Variants in LIN7A observed in about 807,000 individuals in gnomAD.
The protein encoded by LIN7A is lin-7 cell polarity scaffold A, also known as protein lin-7 homolog A.
A neutral mutation model predicts 29.8 loss-of-function variants in LIN7A; 25 were observed. The ratio of observed to expected loss-of-function variants is 0.84; its 90% confidence interval spans 0.61 to 1.17. LIN7A has a LOEUF of 1.17. Ranked by LOEUF, LIN7A falls within the 50% of genes most tolerant of loss-of-function variation. LIN7A has a pLI of 0.00. For synonymous variants in LIN7A, 118 were observed against 107.5 expected, an observed-to-expected ratio of 1.10 and a Z score of -0.60; for missense variants, 239 against 287.0, an observed-to-expected ratio of 0.83 and a Z score of 1.21.
intron 2 of LIN7A, among the ~76,000 whole-genome samples, chr12:80,853,195 T>C (rs189972041): frequency 1.0e-3 from 155 of 152,342 alleles, no homozygotes; most frequent in African/African-American, 3.5e-3. Flanking sequence ...GTAAATGTTA[T>C]ATAGAACTAT....
intron 4 of LIN7A, among the ~76,000 whole-genome samples, chr12:80,823,356 T>G (rs1428661804): frequency 2.6e-5 from 4 of 152,140 alleles, no homozygotes; most frequent in African/African-American, 9.7e-5. Flanking sequence ...GGCTTTGCAG[T>G]TCCTGGCTAC....
At chr12:80,834,812 T>C (rs1872536460) in intron 4 of LIN7A, among the ~76,000 whole-genome samples, 1 of 148,940 alleles carries the variant, frequency 6.7e-6, no homozygotes, top group South Asian at 2.1e-4. Flanking sequence ...AAATCCATTA[T>C]GGAAAATTAT....
chr12:80,806,376 G>C (rs985437851), intron 5 of LIN7A, among the ~76,000 whole-genome samples: 3 of 151,962 alleles, frequency 2.0e-5, no homozygotes, highest in Non-Finnish European at 4.4e-5. Context: ...TAGAAGTTAG[G>C]GGAAAAGACT....
intron 4 of LIN7A, chr12:80,841,572 T>C (rs1007116666): frequency 6.6e-6 from 1 of 152,120 alleles, no homozygotes; most frequent in African/African-American, 2.4e-5. Context: ...TTCCCTAAAA[T>C]TTTTTTCCCC....
chr12:80,869,067 G>A (rs1342656878), intron 2 of LIN7A, among the ~76,000 whole-genome samples: 2 of 151,828 alleles, frequency 1.3e-5, no homozygotes, highest in East Asian at 1.9e-4. Flanking sequence ...GTGAAGCTAA[G>A]GTGGCCTAAG....
At chr12:80,934,039 C>G (rs575563766) in intron 1 of LIN7A, among the ~76,000 whole-genome samples, 75 of 152,156 alleles carry the variant, frequency 4.9e-4, no homozygotes, top group African/African-American at 1.8e-3. Flanking sequence ...TAATTAAGCC[C>G]TTACTTATCA....
At chr12:80,808,660 C>T (rs571949218) in intron 5 of LIN7A, among the ~76,000 whole-genome samples, 1 of 151,324 alleles carries the variant, frequency 6.6e-6, no homozygotes, top group Non-Finnish European at 1.5e-5. Flanking sequence ...CGCCCGCCAC[C>T]ACGCCCGGCT....
intron 2 of LIN7A, among the ~76,000 whole-genome samples, chr12:80,883,985 T>G: frequency 6.6e-6 from 1 of 152,148 alleles, no homozygotes; most frequent in African/African-American, 2.4e-5. Flanking sequence ...CTCCAAATAG[T>G]TCTCCTATCT....
At chr12:80,896,536 C>T (rs1310514656) in intron 1 of LIN7A, among the ~76,000 whole-genome samples, 3 of 152,184 alleles carry the variant, frequency 2.0e-5, no homozygotes, top group East Asian at 1.9e-4. Context: ...ACATGACAAT[C>T]GATGTGTCCT....
intron 1 of LIN7A, among the ~76,000 whole-genome samples, chr12:80,926,068 C>T (rs1381336943): frequency 2.0e-5 from 3 of 152,158 alleles, no homozygotes; most frequent in Non-Finnish European, 4.4e-5. Flanking sequence ...GTAATGTCAC[C>T]TCCTTGGAGA....
intron 2 of LIN7A, among the ~76,000 whole-genome samples, chr12:80,873,558 TA>T (rs1874530049): frequency 2.0e-5 from 3 of 149,186 alleles, no homozygotes; most frequent in Non-Finnish European, 4.5e-5. Flanking sequence ...AAAAAAAAAG[TA>T]AAAATAAAAC....
At chr12:80,893,948 T>G in intron 1 of LIN7A, among the ~76,000 whole-genome samples, 1 of 152,188 alleles carries the variant, frequency 6.6e-6, no homozygotes, top group East Asian at 1.9e-4. Flanking sequence ...AGAGATCAAG[T>G]TCCTCCAGCC....
intron 5 of LIN7A, among the ~76,000 whole-genome samples, chr12:80,801,550 CAAATTTGTGATGTACAAAT>C (rs1365855995): frequency 1.3e-5 from 2 of 152,012 alleles, no homozygotes; most frequent in Non-Finnish European, 2.9e-5. Flanking sequence ...TTGTGATGTA[CAAATTTGTGATGTACAAAT>C]AAATTTGTGA....
chr12:80,875,311 C>T (rs1874630078), intron 2 of LIN7A, among the ~76,000 whole-genome samples: 1 of 151,974 alleles, frequency 6.6e-6, no homozygotes, highest in Admixed American at 6.6e-5. Flanking sequence ...GAAAAAAAAG[C>T]CCATAATTTT....
Position 80,913,559 on chromosome 12 carries a change from G to T in LIN7A, c.82+24082C>A, listed in dbSNP as rs1876874367. Among the ~76,000 whole-genome samples, 3 of 152,140 alleles carry T rather than the reference G, an allele frequency of 2.0e-5. 1 individual carries two copies. In the South Asian group the frequency reaches 6.2e-4, roughly 32 times the overall value. ...GCAATACCAGCCGGAGAAAAGAGAA[G>T]GCTAAAACAGCGAGGAATTCCTGGC... On this transcript the variant is annotated intron_variant, in intron 1 of 5. Coordinates refer to ENST00000552864, the MANE Select transcript of LIN7A (RefSeq NM_004664.4).
At chr12:80,877,587 C>A (rs1214096005) in intron 2 of LIN7A, among the ~76,000 whole-genome samples, 1 of 151,740 alleles carries the variant, frequency 6.6e-6, no homozygotes, top group Non-Finnish European at 1.5e-5. Flanking sequence ...ATCTATATTT[C>A]CCTATGAGAC....
At chr12:80,934,195 C>T (rs1317647860) in intron 1 of LIN7A, among the ~76,000 whole-genome samples, 2 of 152,112 alleles carry the variant, frequency 1.3e-5, no homozygotes, top group Non-Finnish European at 2.9e-5. Context: ...TCTCCCTCTC[C>T]TAGTAGGTTC....
chr12:80,875,763 G>T (rs976109793), intron 2 of LIN7A, among the ~76,000 whole-genome samples: 5 of 152,132 alleles, frequency 3.3e-5, no homozygotes, highest in African/African-American at 1.2e-4. Context: ...ATCATGCTAG[G>T]TACTAATTTT....
intron 5 of LIN7A, among the ~76,000 whole-genome samples, chr12:80,808,451 C>T (rs1342862896): frequency 3.3e-5 from 5 of 151,848 alleles, no homozygotes; most frequent in African/African-American, 9.7e-5. Flanking sequence ...CAGTGCCTCG[C>T]TTGTAACAGT....
Sources: allele counts gnomAD v4.1 joint callset (sites outside exome capture counted in the v4.1 genomes callset), GRCh38; gene constraint gnomAD v4.1.1; transcripts MANE v1.5; gene names NCBI Gene and HGNC (gene_info 2026-07-23, HGNC 2026-07-21).